Variants in THTPA observed in about 807,000 individuals in gnomAD.
THTPA encodes thiamine-triphosphatase.
A neutral mutation model predicts 16.5 loss-of-function variants in THTPA; 16 were observed. That is an observed-to-expected ratio of 0.97 (90% confidence interval 0.66 to 1.47). The LOEUF (loss-of-function observed/expected upper bound fraction) is 1.47, where lower values mean the gene tolerates loss of function less well. Ranked by LOEUF, THTPA falls within the 40% of genes most tolerant of loss-of-function variation. The probability of loss-of-function intolerance (pLI) is 0.00; values close to 1 mark genes in which losing one functional copy is unlikely to be tolerated. For synonymous variants in THTPA, 110 were observed against 115.5 expected, an observed-to-expected ratio of 0.95 and a Z score of 0.30; for missense variants, 281 against 280.9, an observed-to-expected ratio of 1.00 and a Z score of 0.00.
At position 23,558,922 on chromosome 14, in the gene THTPA, G is replaced by A; in HGVS notation, c.*82G>A. The A allele has an allele frequency of 1.3e-6, 2 of 1,545,428 alleles. No individual in the cohort carries two copies. Among genetic ancestry groups the A allele is most frequent in the South Asian group, 1.2e-5 (1 of 85,200 alleles). On this transcript the variant is annotated 3_prime_UTR_variant, in exon 2 of 2. Transcript: ENST00000288014. ...GGCCCACTGTGCCTCTCCCCTCAGT[G>A]TCCCTTCTGACAGTGACTCCTCTCT...
At chr14:23,530,602 A>T in the THTPA span, 1 of 383,726 alleles carries the variant, frequency 2.6e-6, no homozygotes. Context: ...AGGAAGTGGC[A>T]GGTCTAGCTG....
the THTPA span, chr14:23,544,178 C>T: frequency 6.6e-6 from 1 of 151,476 alleles, no homozygotes; most frequent in Non-Finnish European, 1.5e-5. Flanking sequence ...TCGCTTGAAC[C>T]CGGGAAGCAG....
the THTPA span, chr14:23,528,889 G>A: frequency 1.1e-6 from 1 of 949,414 alleles, no homozygotes; most frequent in Non-Finnish European, 1.3e-6. Context: ...GCACAGGCCT[G>A]TGTGTCAGGG....
chr14:23,532,578 G>T, the THTPA span: 1 of 1,441,954 alleles, frequency 6.9e-7, no homozygotes, highest in South Asian at 1.5e-5. Context: ...TTATAGATTT[G>T]GCTGTTTTCT....
At chr14:23,537,410 G>A in the THTPA span, among the ~76,000 whole-genome samples, 2 of 152,048 alleles carry the variant, frequency 1.3e-5, no homozygotes, top group Admixed American at 6.6e-5. Flanking sequence ...TGTAAGGGGC[G>A]AGGGGCGTGG....
the THTPA span, chr14:23,533,474 G>T: frequency 1.3e-6 from 2 of 1,535,368 alleles, no homozygotes; most frequent in Admixed American, 3.9e-5. The surrounding 1 kb of genome is among the most constrained non-coding windows in gnomAD (Gnocchi z 4.8). Flanking sequence ...GGTGGGGGAG[G>T]AGGGCCTGGC....
upstream of THTPA, among the ~76,000 whole-genome samples, chr14:23,554,038 CAAAAAAAAAAAAAAAAAA>C (rs61363455): frequency 5.5e-5 from 2 of 36,040 alleles, no homozygotes; most frequent in Admixed American, 7.0e-4. Flanking sequence ...GACTCTGTCT[CAAAAAAAAAAAAAAAAAA>C]AAAAAAAAAG....
intron 1 of THTPA, among the ~76,000 whole-genome samples, chr14:23,557,777 A>G (rs1223875711): frequency 1.3e-5 from 2 of 151,164 alleles, no homozygotes; most frequent in South Asian, 2.1e-4. Flanking sequence ...TTCTTCAGTC[A>G]CCACTCCTCC....
upstream of THTPA, among the ~76,000 whole-genome samples, chr14:23,553,524 G>A (rs994569926): frequency 2.8e-5 from 4 of 145,310 alleles, no homozygotes; most frequent in African/African-American, 1.1e-4. Flanking sequence ...GCTTGAACCC[G>A]GGGGGCAGAG....
At chr14:23,546,452 C>T in the THTPA span, among the ~76,000 whole-genome samples, 1 of 152,146 alleles carries the variant, frequency 6.6e-6, no homozygotes, top group African/African-American at 2.4e-5. The surrounding 1 kb of genome is among the most constrained non-coding windows in gnomAD (Gnocchi z 4.7). Context: ...AGCTTGGTGA[C>T]AGGACTGTGG....
upstream of THTPA, among the ~76,000 whole-genome samples, chr14:23,552,016 GTGTTTTGT>G (rs1018489370): frequency 3.3e-5 from 5 of 152,164 alleles, no homozygotes; most frequent in Non-Finnish European, 5.9e-5. Flanking sequence ...AACCATACAT[GTGTTTTGT>G]TGTTTTGTTT....
chr14:23,532,737 C>T, the THTPA span: 1 of 1,535,856 alleles, frequency 6.5e-7, no homozygotes, highest in African/African-American at 1.4e-5. Flanking sequence ...CCCATGGCTC[C>T]ACCCCCCTCC....
At chr14:23,540,474 A>T in the THTPA span, among the ~76,000 whole-genome samples, 3 of 152,132 alleles carry the variant, frequency 2.0e-5, no homozygotes, top group Admixed American at 6.5e-5. Flanking sequence ...TTACAAGAGG[A>T]GGTGACCATG....
chr14:23,531,460 CTCCAGT>C, the THTPA span: 2 of 1,389,116 alleles, frequency 1.4e-6, no homozygotes, highest in African/African-American at 2.9e-5. Flanking sequence ...AGCTCTTATT[CTCCAGT>C]CCCTTCTTCC....
chr14:23,530,175 G>A, the THTPA span: 1 of 1,535,884 alleles, frequency 6.5e-7, no homozygotes, highest in Non-Finnish European at 8.7e-7. Flanking sequence ...GCTCAGCTAA[G>A]GGGGTGACAG....
At chr14:23,525,171 C>T in the THTPA span, 12 of 1,536,072 alleles carry the variant, frequency 7.8e-6, no homozygotes, top group Non-Finnish European at 1.0e-5. The surrounding 1 kb of genome is among the most constrained non-coding windows in gnomAD (Gnocchi z 5.9). Context: ...CCGGCAGGCA[C>T]CAGGGGAGGA....
chr14:23,538,441 C>T, the THTPA span, among the ~76,000 whole-genome samples: 1 of 151,884 alleles, frequency 6.6e-6, no homozygotes, highest in Non-Finnish European at 1.5e-5. Flanking sequence ...TTTCACTCCT[C>T]CATCTTTCCT....
At chr14:23,539,568 T>TG in the THTPA span, among the ~76,000 whole-genome samples, 4 of 152,188 alleles carry the variant, frequency 2.6e-5, no homozygotes, top group Non-Finnish European at 5.9e-5. Flanking sequence ...ACAAAGGGCA[T>TG]GGGCAAAGGA....
chr14:23,528,935 C>T, the THTPA span: 7 of 654,838 alleles, frequency 1.1e-5, no homozygotes, highest in African/African-American at 3.9e-5. Context: ...TCCAGATGCT[C>T]ATCTTAACGC....
Sources: allele counts gnomAD v4.1 joint callset (sites outside exome capture counted in the v4.1 genomes callset), GRCh38; gene constraint gnomAD v4.1.1; non-coding constraint Gnocchi (gnomAD v3.1); transcripts MANE v1.5; gene names NCBI Gene and HGNC (gene_info 2026-07-23, HGNC 2026-07-21).